Variants in EPM2A observed in about 807,000 individuals in gnomAD.
The protein encoded by EPM2A is EPM2A glucan phosphatase, laforin.
EPM2A carries 21 observed loss-of-function variants against 26.5 expected under a neutral mutation model. The ratio of observed to expected loss-of-function variants is 0.79; its 90% CI spans 0.56 to 1.14. EPM2A has a LOEUF of 1.14. Among genes scored for constraint, EPM2A ranks in the 50% most tolerant of loss-of-function variants. EPM2A has a pLI of 0.00. For synonymous variants in EPM2A, 217 were observed against 177.6 expected (o/e 1.22, Z -1.76); for missense variants, 458 against 440.8 (o/e 1.04, Z -0.35).
At chr6:145,600,464 T>A (rs1781403088) in intron 2 of EPM2A, among the ~76,000 whole-genome samples, 1 of 152,218 alleles carries the variant, frequency 6.6e-6, no homozygotes, top group Non-Finnish European at 1.5e-5. Context: ...CAAAGAACAC[T>A]AAGCCATTGT....
At chr6:145,501,590 G>T in exon 4 of EPM2A, 2 of 314,684 alleles carry the variant, frequency 6.4e-6, no homozygotes. Context: ...AACTTTGGAG[G>T]AGTAATTTCT....
At chr6:145,688,995 T>C (rs1781106872) in intron 1 of EPM2A, among the ~76,000 whole-genome samples, 2 of 152,230 alleles carry the variant, frequency 1.3e-5, no homozygotes, top group African/African-American at 4.8e-5. Flanking sequence ...CATTGGTCAG[T>C]ATAATTGACT....
chr6:145,567,819 ACT>A (rs1365334758), intron 2 of EPM2A, among the ~76,000 whole-genome samples: 1 of 152,096 alleles, frequency 6.6e-6, no homozygotes, highest in Non-Finnish European at 1.5e-5. Flanking sequence ...CCCAGCCATC[ACT>A]CTCTCAGAGT....
intron 2 of EPM2A, among the ~76,000 whole-genome samples, chr6:145,612,691 T>C (rs1340208965): frequency 6.7e-6 from 1 of 148,732 alleles, no homozygotes; most frequent in African/African-American, 2.4e-5. Context: ...TTCATTGTTA[T>C]CTATTAAGAG....
intron 4 of EPM2A, among the ~76,000 whole-genome samples, chr6:145,448,135 G>A (rs1414627771): frequency 6.6e-6 from 1 of 152,082 alleles, no homozygotes; most frequent in South Asian, 2.1e-4. Flanking sequence ...TTTCACATAA[G>A]TGATTAATTG....
chr6:145,531,008 C>A (rs1331950479), intron 2 of EPM2A, among the ~76,000 whole-genome samples: 1 of 152,154 alleles, frequency 6.6e-6, no homozygotes, highest in Non-Finnish European at 1.5e-5. Flanking sequence ...TTGCTCATTT[C>A]TTTCTCTCCT....
chr6:145,657,705 G>A (rs1778397778), intron 2 of EPM2A, among the ~76,000 whole-genome samples: 1 of 152,072 alleles, frequency 6.6e-6, no homozygotes, highest in African/African-American at 2.4e-5. Context: ...GCTGCCACAG[G>A]GCAGATTTTT....
chr6:145,419,186 C>A (rs948627523), intron 4 of EPM2A, among the ~76,000 whole-genome samples: 11 of 149,772 alleles, frequency 7.3e-5, no homozygotes, highest in Admixed American at 2.7e-4. Flanking sequence ...AATGTCCCCC[C>A]CCCCCGCTCC....
At chr6:145,416,270 A>T (rs1778706787) in intron 4 of EPM2A, among the ~76,000 whole-genome samples, 2 of 149,242 alleles carry the variant, frequency 1.3e-5, no homozygotes, top group African/African-American at 2.5e-5. Context: ...TTTTTAATGC[A>T]GATTGTCATT....
chr6:145,476,198 T>C (rs1033248118), intron 4 of EPM2A, among the ~76,000 whole-genome samples: 1 of 151,940 alleles, frequency 6.6e-6, no homozygotes, highest in African/African-American at 2.4e-5. Flanking sequence ...GTTGACTACA[T>C]AGGATAAAAG....
chr6:145,428,493 C>T (rs2114689932), intron 4 of EPM2A, among the ~76,000 whole-genome samples: 1 of 152,282 alleles, frequency 6.6e-6, no homozygotes. Context: ...AGCTCTCTCT[C>T]ATTCAATAAG....
At chr6:145,651,513 T>A (rs1777877053) in intron 2 of EPM2A, among the ~76,000 whole-genome samples, 1 of 152,102 alleles carries the variant, frequency 6.6e-6, no homozygotes, top group Non-Finnish European at 1.5e-5. Flanking sequence ...GTCCTGAGAG[T>A]CTTTTCCTCT....
intron 2 of EPM2A, among the ~76,000 whole-genome samples, chr6:145,610,452 A>G (rs1465738300): frequency 3.9e-5 from 6 of 152,204 alleles, no homozygotes; most frequent in African/African-American, 9.7e-5. Context: ...CAATCCTTCA[A>G]ATATTGAAAG....
intron 2 of EPM2A, among the ~76,000 whole-genome samples, chr6:145,553,625 C>T (rs149881192): frequency 3.3e-5 from 5 of 151,784 alleles, no homozygotes; most frequent in African/African-American, 1.2e-4. Flanking sequence ...TCAGAGCTAG[C>T]ATTTCACATC....
intron 2 of EPM2A, chr6:145,671,188 G>A: frequency 2.0e-6 from 2 of 1,012,456 alleles, no homozygotes; most frequent in South Asian, 3.7e-5. Context: ...ATAAATGCGA[G>A]CAAAGTAAAA....
intron 2 of EPM2A, among the ~76,000 whole-genome samples, chr6:145,539,030 C>T (rs780364613): frequency 1.2e-4 from 18 of 152,144 alleles, no homozygotes; most frequent in Admixed American, 3.9e-4. Flanking sequence ...ATACGAGAGC[C>T]CTTTCCATAT....
At chr6:145,532,701 C>A (rs555114172) in intron 2 of EPM2A, among the ~76,000 whole-genome samples, 4 of 152,276 alleles carry the variant, frequency 2.6e-5, no homozygotes, top group African/African-American at 9.6e-5. Flanking sequence ...GTACATGATT[C>A]ATCTGTTGTT....
intron 2 of EPM2A, among the ~76,000 whole-genome samples, chr6:145,535,793 T>C (rs372641822): frequency 1.3e-5 from 2 of 152,342 alleles, no homozygotes; most frequent in South Asian, 4.1e-4. Flanking sequence ...TAGTTTCAAT[T>C]GGTGTTTGCT....
intron 2 of EPM2A, among the ~76,000 whole-genome samples, chr6:145,676,557 A>C (rs1160119392): frequency 6.6e-6 from 1 of 152,162 alleles, no homozygotes; most frequent in African/African-American, 2.4e-5. Context: ...GAAAAGAGAG[A>C]AGAAACAAAT....
Sources: gnomAD v4.1 joint callset for allele counts (sites outside exome capture counted in the v4.1 genomes callset) on GRCh38, gnomAD v4.1.1 for gene constraint, MANE v1.5 for transcripts, NCBI Gene and HGNC (gene_info 2026-07-23, HGNC 2026-07-21) for gene names.